PDCD2L: variants seen among roughly 807,000 people sequenced by gnomAD.
The protein encoded by PDCD2L is programmed cell death 2 like.
Under a neutral mutation model 40.4 loss-of-function variants are expected in PDCD2L, and 44 were observed. That is an observed-to-expected ratio of 1.09 (90% CI 0.86 to 1.40). The LOEUF is 1.40. Ranked by LOEUF, PDCD2L falls within the 40% of genes most tolerant of loss-of-function variation. The pLI is 0.00. For missense variants in PDCD2L, 470 were observed against 453.7 expected, an observed-to-expected ratio of 1.04 and a Z score of -0.33; for synonymous variants, 194 against 174.6, an observed-to-expected ratio of 1.11 and a Z score of -0.88.
chr19:34,406,225 AT>A (rs1295927913), intron 3 of PDCD2L, among the ~76,000 whole-genome samples: 8 of 152,236 alleles, frequency 5.3e-5, no homozygotes, highest in Admixed American at 4.6e-4. Context: ...ACAGTTTATA[AT>A]AATGTATAAA....
At chr19:34,411,937 G>T (rs1453624430) in intron 4 of PDCD2L, among the ~76,000 whole-genome samples, 1 of 145,718 alleles carries the variant, frequency 6.9e-6, no homozygotes, top group African/African-American at 2.5e-5. Flanking sequence ...TTGCAGGCGT[G>T]AGCCACCGCA....
At chr19:34,424,434 A>G (rs975757273) in intron 6 of PDCD2L, among the ~76,000 whole-genome samples, 1 of 152,098 alleles carries the variant, frequency 6.6e-6, no homozygotes, top group Admixed American at 6.6e-5. Flanking sequence ...AACTTACTAA[A>G]AAGTTTTAGA....
intron 6 of PDCD2L, 58 bp from the exon 7 acceptor site, chr19:34,425,932 A>C (rs533237291): frequency 1.3e-6 from 2 of 1,538,036 alleles, no homozygotes; most frequent in Admixed American, 4.0e-5. Context: ...CATTCCTTTT[A>C]GTAACATCAG....
At chr19:34,418,897 G>T (rs1283223022) in intron 5 of PDCD2L, among the ~76,000 whole-genome samples, 1 of 152,136 alleles carries the variant, frequency 6.6e-6, no homozygotes. Flanking sequence ...TCAAGTGCTT[G>T]TTTTCCATCT....
chr19:34,410,931 C>T (rs142288515), intron 4 of PDCD2L, among the ~76,000 whole-genome samples: 2,285 of 149,774 alleles, frequency 0.015, 25 homozygotes, highest in South Asian at 0.025. Context: ...ACTACAGGTG[C>T]GCGCCACCAC....
At chr19:34,416,063 G>A (rs897759052) in intron 5 of PDCD2L, among the ~76,000 whole-genome samples, 2 of 152,172 alleles carry the variant, frequency 1.3e-5, no homozygotes, top group Admixed American at 6.6e-5. Flanking sequence ...TGGGACTACA[G>A]GCATGTGCCA....
At chr19:34,406,589 C>T (rs2075076904) in intron 3 of PDCD2L, among the ~76,000 whole-genome samples, 2 of 151,818 alleles carry the variant, frequency 1.3e-5, no homozygotes, top group South Asian at 4.2e-4. Flanking sequence ...GACAGGGTTT[C>T]ACCATGTTAG....
chr19:34,405,143 GTTTTT>G (rs74177144), intron 3 of PDCD2L, among the ~76,000 whole-genome samples, 153 bp downstream of exon 3: 1 of 111,078 alleles, frequency 9.0e-6, no homozygotes, highest in South Asian at 2.9e-4. Context: ...TTTTCGTAAA[GTTTTT>G]TTTTTTTTTT....
intron 6 of PDCD2L, among the ~76,000 whole-genome samples, chr19:34,422,544 G>T (rs889321683): frequency 2.6e-5 from 4 of 151,916 alleles, no homozygotes; most frequent in Admixed American, 6.6e-5. Context: ...AATCATTTTT[G>T]ACATAAAGAC....
intron 6 of PDCD2L, among the ~76,000 whole-genome samples, chr19:34,422,867 A>C (rs1344928312): frequency 1.3e-5 from 2 of 151,452 alleles, no homozygotes; most frequent in Non-Finnish European, 2.9e-5. Flanking sequence ...AGGCGCCCGC[A>C]ACCAAGCCCA....
chr19:34,420,994 C>G (rs953973501), intron 5 of PDCD2L, among the ~76,000 whole-genome samples: 1 of 152,202 alleles, frequency 6.6e-6, no homozygotes, highest in Non-Finnish European at 1.5e-5. Flanking sequence ...AGCACACAAC[C>G]TAGATCCCTT....
In PDCD2L at chr19:34,404,464, C is replaced by T. The variant is rs770596450; in HGVS notation, c.34C>T (p.Leu12Phe). Residue 12 changes from leucine (L) to phenylalanine (F), a missense_variant, in exon 1 of 7, where the codon CTT becomes TTT. Physicochemically the swap from Leu to Phe is conservative, Grantham distance 22 (BLOSUM62 0). Transcript: ENST00000246535. ...AAVLKPVLLG[L>F]RDAPVHGSPT... Reference sequence around the variant, plus strand: ...CGTTCTGAAGCCGGTGCTGCTGGGCCTTCGAGATGCGCCGGTGCACGGCAG... The same window carrying T: ...CGTTCTGAAGCCGGTGCTGCTGGGCTTTCGAGATGCGCCGGTGCACGGCAG... 2 of 1,544,834 alleles carry T rather than the reference C, an allele frequency of 1.3e-6. No individual in the cohort carries two copies. Among genetic ancestry groups the T allele is most frequent in the Non-Finnish European group, 1.7e-6 (2 of 1,146,346 alleles).
chr19:34,416,486 G>A (rs539209656), intron 5 of PDCD2L, among the ~76,000 whole-genome samples: 2 of 152,286 alleles, frequency 1.3e-5, no homozygotes, highest in African/African-American at 4.8e-5. Flanking sequence ...CACTGTCTCA[G>A]AGGAAAAAGC....
intron 6 of PDCD2L, among the ~76,000 whole-genome samples, chr19:34,425,052 A>G (rs2075170350): frequency 6.6e-6 from 1 of 152,172 alleles, no homozygotes; most frequent in Non-Finnish European, 1.5e-5. Context: ...TGCCCAGCCA[A>G]TGCATACATT....
chr19:34,409,792 A>G (rs766671283), intron 4 of PDCD2L, among the ~76,000 whole-genome samples: 4 of 152,184 alleles, frequency 2.6e-5, no homozygotes, highest in Non-Finnish European at 5.9e-5. Flanking sequence ...TTATATTTCT[A>G]ATATGTCTTT....
At position 34,413,849 on chromosome 19, in the gene PDCD2L, TAA is replaced by T; in HGVS notation, c.797+8_797+9del. 2 of 1,529,448 alleles carry T rather than the reference TAA, an allele frequency of 1.3e-6. No individual in the cohort carries two copies. Among genetic ancestry groups the T allele is most frequent in the Non-Finnish European group, 1.8e-6 (2 of 1,109,812 alleles). The allele number at this position is 1,529,448 out of a possible 1,614,324, so 94.7% of individuals were successfully genotyped here. A position where few individuals can be genotyped will look rare whatever the true frequency, so the allele number is the denominator to read the frequency against. On this transcript the variant is annotated splice_donor_region_variant and intron_variant, in intron 5 of 6. Transcript: ENST00000246535. ...TGCTTGTCAGGAGCAGATTTTGAGG[TAA>T]AAAAAGGCACAGTTCCTTTTATTGT...
intron 5 of PDCD2L, among the ~76,000 whole-genome samples, chr19:34,417,254 C>T (rs1477941870): frequency 6.6e-6 from 1 of 152,110 alleles, no homozygotes; most frequent in Non-Finnish European, 1.5e-5. Context: ...ATGTATGAAT[C>T]GGAAATTGAA....
At chr19:34,407,243 G>T (rs2145457646) in intron 3 of PDCD2L, among the ~76,000 whole-genome samples, 1 of 151,488 alleles carries the variant, frequency 6.6e-6, no homozygotes, top group African/African-American at 2.4e-5. Flanking sequence ...CCAGGTTCGA[G>T]CAATTCTCCT....
chr19:34,415,091 C>CATATATTTATTTTGGCCAATATAT (rs2075121350), intron 5 of PDCD2L, among the ~76,000 whole-genome samples: 2 of 152,066 alleles, frequency 1.3e-5, no homozygotes, highest in African/African-American at 4.8e-5. Context: ...AGCCACGACC[C>CATATATTTATTTTGGCCAATATAT]TTGGCCCATA....
Sources: gnomAD v4.1 joint callset for allele counts (sites outside exome capture counted in the v4.1 genomes callset) on GRCh38, gnomAD v4.1.1 for gene constraint, MANE v1.5 for transcripts, NCBI Gene and HGNC (gene_info 2026-07-23, HGNC 2026-07-21) for gene names.